DENND2B: variants seen among roughly 807,000 people sequenced by gnomAD.
The protein encoded by DENND2B is DENN domain-containing protein 2B.
In DENND2B, 32 loss-of-function variants were observed where a neutral mutation model predicts 116.0. The ratio of observed to expected loss-of-function variants is 0.28; its 90% CI spans 0.21 to 0.37. The LOEUF is 0.37. DENND2B is among the 10% of genes least tolerant of loss of function. The pLI is 1.00. For missense variants in DENND2B, 1,276 were observed against 1,477.7 expected, an observed-to-expected ratio of 0.86 and a Z score of 2.24; for synonymous variants, 588 against 583.9, an observed-to-expected ratio of 1.01 and a Z score of -0.10.
In DENND2B at chr11:8,702,064, G is replaced by C. The variant is rs2041801745; in HGVS notation, c.2720+508C>G. On this transcript the variant is annotated intron_variant, in intron 14 of 19. Transcript: ENST00000313726. This position sits in a 1 kb window ranked among gnomAD's most constrained non-coding sequence, Gnocchi z 4.6. ...CCAGCCCTCCCATTGCCCAGCCCTG[G>C]GCCACTGCAGTTGCCTTCTCCAGGG... 6.6e-6 allele frequency among the ~76,000 whole-genome samples: 1 copy of C among 151,892 alleles called. No individual in the cohort carries two copies. The highest frequency in any genetic ancestry group is 2.1e-4 in the South Asian group (1 of 4,806).
At chr11:8,699,924 A>G (rs1281455425) in intron 14 of DENND2B, 1 of 456,302 alleles carries the variant, frequency 2.2e-6, no homozygotes, top group African/African-American at 2.0e-5. Context: ...AAGACCCCAG[A>G]TTGGCAGAAC....
chr11:8,881,720 TA>T (rs1354271605), intron 1 of DENND2B, among the ~76,000 whole-genome samples: 1 of 152,138 alleles, frequency 6.6e-6, no homozygotes, highest in Non-Finnish European at 1.5e-5. Context: ...TTTGTATTTT[TA>T]GTAGAGACAG....
At chr11:8,905,697 T>A (rs1353963784) in intron 1 of DENND2B, among the ~76,000 whole-genome samples, 2 of 150,374 alleles carry the variant, frequency 1.3e-5, no homozygotes, top group African/African-American at 5.0e-5. Context: ...CCAAGAGAAA[T>A]GAAAACATGT....
chr11:8,712,858 T>A lies in DENND2B; in HGVS notation c.1988-123A>T. On this transcript the variant is annotated intron_variant, in intron 8 of 19. Coordinates refer to ENST00000313726, the MANE Select transcript of DENND2B (RefSeq NM_213618.2). This position sits in a 1 kb window ranked among gnomAD's most constrained non-coding sequence, Gnocchi z 4.4. ...AGTACGTGAGCCTAGTCTGATACCA[T>A]CCCCAGCTCACAGTGCAGGAGGACC... 2.0e-6 allele frequency: 2 copies of A among 1,024,062 alleles called. No individual in the cohort carries two copies. The highest frequency in any genetic ancestry group is 1.6e-5 in the African/African-American group (1 of 62,066). The allele number at this position is 1,024,062 out of a possible 1,614,324, so 63.4% of individuals were successfully genotyped here. A position where few individuals can be genotyped will look rare whatever the true frequency, so the allele number is the denominator to read the frequency against.
chr11:8,834,796 A>G (rs2062355513), intron 4 of DENND2B, among the ~76,000 whole-genome samples: 1 of 152,210 alleles, frequency 6.6e-6, no homozygotes, highest in Non-Finnish European at 1.5e-5. Flanking sequence ...GGTTGAAGAC[A>G]GTTTTCCACA....
intron 1 of DENND2B, among the ~76,000 whole-genome samples, chr11:8,765,781 TAA>T (rs2055622679): frequency 1.3e-5 from 2 of 152,174 alleles, no homozygotes; most frequent in Admixed American, 6.5e-5. Flanking sequence ...CTCACCCCTG[TAA>T]TCCTAGTACT....
intron 1 of DENND2B, among the ~76,000 whole-genome samples, chr11:8,780,292 C>G (rs2058249918): frequency 6.6e-6 from 1 of 152,148 alleles, no homozygotes; most frequent in Non-Finnish European, 1.5e-5. Context: ...CTCATAAATA[C>G]CAGGAAGACT....
intron 1 of DENND2B, chr11:8,809,286 T>C (rs1205485525): frequency 6.6e-6 from 1 of 152,172 alleles, no homozygotes; most frequent in Non-Finnish European, 1.5e-5. Flanking sequence ...GGCAAGCTGA[T>C]CCGAAGTTAA....
upstream of DENND2B, among the ~76,000 whole-genome samples, chr11:8,813,868 A>G (rs2061479979): frequency 6.6e-6 from 1 of 152,148 alleles, no homozygotes; most frequent in African/African-American, 2.4e-5. Flanking sequence ...CTGCTTGGGT[A>G]ATGCTACTGT....
rs182266885 is a variant in DENND2B at position 8,745,754 on chromosome 11, T to C, written c.80+4867A>G. Among the ~76,000 whole-genome samples, 387 of 152,368 alleles carry C rather than the reference T, an allele frequency of 2.5e-3. 3 individuals carry two copies. The highest frequency in any genetic ancestry group is 8.9e-3 in the African/African-American group (369 of 41,590). On this transcript the variant is annotated intron_variant, in intron 2 of 19. Coordinates refer to ENST00000313726, the MANE Select transcript of DENND2B (RefSeq NM_213618.2). ...GATTCTTACTCTTGGAACCCAGATA[T>C]CATGCTATGAAGGCATGCTGCCAAG...
chr11:8,773,330 G>A (rs2057201399), intron 1 of DENND2B, among the ~76,000 whole-genome samples: 1 of 152,096 alleles, frequency 6.6e-6, no homozygotes, highest in African/African-American at 2.4e-5. Context: ...CACCATACAA[G>A]GACAGACTCG....
At chr11:8,833,677 G>A (rs1032498226) in intron 4 of DENND2B, among the ~76,000 whole-genome samples, 22 of 152,220 alleles carry the variant, frequency 1.4e-4, no homozygotes, top group South Asian at 2.1e-4. Context: ...CCTTGGCTGC[G>A]AATAGGATTA....
chr11:8,908,580 C>G (rs1222073512), intron 1 of DENND2B, among the ~76,000 whole-genome samples: 1 of 152,206 alleles, frequency 6.6e-6, no homozygotes, highest in Non-Finnish European at 1.5e-5. Flanking sequence ...CTGTCCCACT[C>G]CAACCACACT....
At chr11:8,784,532 T>A (rs531320275) in intron 1 of DENND2B, 9 of 151,990 alleles carry the variant, frequency 5.9e-5, no homozygotes, top group African/African-American at 2.2e-4. Flanking sequence ...ATTGGTGAGA[T>A]AATGAGAAGC....
At chr11:8,836,345 C>T (rs1012241876) in intron 4 of DENND2B, among the ~76,000 whole-genome samples, 7 of 151,170 alleles carry the variant, frequency 4.6e-5, no homozygotes, top group Non-Finnish European at 1.0e-4. Flanking sequence ...GGGTTGGGCA[C>T]AGCAACAGTG....
intron 4 of DENND2B, 74 bp downstream of exon 4, chr11:8,725,999 T>G (rs1238051940): frequency 2.5e-6 from 4 of 1,603,070 alleles, no homozygotes; most frequent in African/African-American, 1.3e-5. Flanking sequence ...GAGGTCAATC[T>G]AGGTGTCTCC....
chr11:8,740,044 G>A (rs1035164572), intron 2 of DENND2B, among the ~76,000 whole-genome samples: 1 of 151,764 alleles, frequency 6.6e-6, no homozygotes, highest in Non-Finnish European at 1.5e-5. Context: ...TTAAAAATTA[G>A]CTGGGTGTGA....
chr11:8,743,230 GTGAGAC>G (rs1358634364), intron 2 of DENND2B, among the ~76,000 whole-genome samples: 1 of 152,056 alleles, frequency 6.6e-6, no homozygotes, highest in East Asian at 1.9e-4. Context: ...AAAATCTAAA[GTGAGAC>G]TGAAAAACCC....
chr11:8,875,614 G>C (rs1012489452), upstream of DENND2B, among the ~76,000 whole-genome samples: 2 of 151,558 alleles, frequency 1.3e-5, no homozygotes, highest in Non-Finnish European at 2.9e-5. Flanking sequence ...ATTCTATAGA[G>C]ATAGGAGTCT....
Sources: gnomAD v4.1 joint callset for allele counts (sites outside exome capture counted in the v4.1 genomes callset) on GRCh38, gnomAD v4.1.1 for gene constraint, Gnocchi (gnomAD v3.1) non-coding constraint, MANE v1.5 for transcripts, NCBI Gene and HGNC (gene_info 2026-07-23, HGNC 2026-07-21) for gene names.